CTNND2: variants seen among roughly 807,000 people sequenced by gnomAD.
CTNND2 encodes catenin delta 2, also known as catenin delta-2.
Under a neutral mutation model 144.4 loss-of-function variants are expected in CTNND2, and 22 were observed. The observed-to-expected ratio is 0.15, with a 90% CI of 0.11 to 0.22. The LOEUF (loss-of-function observed/expected upper bound fraction) is 0.22, where lower values mean the gene tolerates loss of function less well. Ranked by LOEUF, CTNND2 falls within the 10% of genes least tolerant of loss-of-function variation. The pLI is 1.00. For synonymous variants in CTNND2, 751 were observed against 695.6 expected (o/e 1.08, Z -1.25); for missense variants, 1,353 against 1,618.8 (o/e 0.84, Z 2.82).
At chr5:11,793,697 T>A (rs2126873237) in intron 1 of CTNND2, among the ~76,000 whole-genome samples, 1 of 152,262 alleles carries the variant, frequency 6.6e-6, no homozygotes, top group African/African-American at 2.4e-5. Flanking sequence ...GACACCTTGA[T>A]TTCAGACTTC....
chr5:11,692,596 T>G (rs996335850), intron 2 of CTNND2, among the ~76,000 whole-genome samples: 1 of 152,118 alleles, frequency 6.6e-6, no homozygotes, highest in Non-Finnish European at 1.5e-5. Context: ...GAAAACTAGG[T>G]CAACATTTTA....
At chr5:11,142,667 G>A (rs1329938471) in intron 12 of CTNND2, among the ~76,000 whole-genome samples, 1 of 147,056 alleles carries the variant, frequency 6.8e-6, no homozygotes, top group Non-Finnish European at 1.5e-5. Flanking sequence ...AGGCTGGAGT[G>A]CAGTGGCGCG....
At chr5:11,747,952 A>G (rs1248853641) in intron 1 of CTNND2, among the ~76,000 whole-genome samples, 1 of 152,160 alleles carries the variant, frequency 6.6e-6, no homozygotes, top group Non-Finnish European at 1.5e-5. Context: ...CAAGATACCG[A>G]AGCTCAATGA....
chr5:11,362,785 T>C (rs564706346), intron 8 of CTNND2, among the ~76,000 whole-genome samples: 2 of 152,332 alleles, frequency 1.3e-5, no homozygotes, highest in African/African-American at 4.8e-5. Context: ...AAACACTTGT[T>C]CATTCTGGAT....
chr5:11,664,478 C>G (rs1213151109), intron 2 of CTNND2, among the ~76,000 whole-genome samples: 1 of 152,142 alleles, frequency 6.6e-6, no homozygotes, highest in Non-Finnish European at 1.5e-5. Context: ...GTAATCCCAA[C>G]TACTCAGCAG....
At chr5:11,655,016 T>C (rs1782837461) in intron 2 of CTNND2, among the ~76,000 whole-genome samples, 1 of 152,080 alleles carries the variant, frequency 6.6e-6, no homozygotes, top group African/African-American at 2.4e-5. Context: ...CACTGGTTTA[T>C]GTATATTATC....
chr5:11,775,055 G>T (rs1360577141), intron 1 of CTNND2, among the ~76,000 whole-genome samples: 1 of 152,086 alleles, frequency 6.6e-6, no homozygotes, highest in Non-Finnish European at 1.5e-5. Flanking sequence ...GAGCTGGGCG[G>T]GGGGGCGGTG....
chr5:11,816,382 T>C (rs945197762), intron 1 of CTNND2, among the ~76,000 whole-genome samples: 2 of 151,862 alleles, frequency 1.3e-5, no homozygotes, highest in African/African-American at 4.8e-5. Flanking sequence ...TGGGAGATCT[T>C]CTGTGTGCAG....
At chr5:11,542,886 G>A (rs1158466913) in intron 3 of CTNND2, among the ~76,000 whole-genome samples, 2 of 152,188 alleles carry the variant, frequency 1.3e-5, no homozygotes, top group African/African-American at 2.4e-5. Flanking sequence ...GATGGGGAGT[G>A]CACAGGATGT....
chr5:11,154,485 T>C (rs2057795), intron 12 of CTNND2, among the ~76,000 whole-genome samples: 99,131 of 152,086 alleles, frequency 0.65, 32,432 homozygotes, highest in East Asian at 0.73. Flanking sequence ...CAGAAAAACA[T>C]CTTTGATCTG....
In CTNND2 at chr5:11,780,823, C is replaced by T. The variant is rs180900255; in HGVS notation, c.38-48551G>A. ...TTTCCTGTGACTGCACCAAGGCCAG[C>T]CAGCCCTGGGGGAAATCCTGAGCAG... On this transcript the variant is annotated intron_variant, in intron 1 of 21. Transcript: ENST00000304623. 8.5e-5 allele frequency among the ~76,000 whole-genome samples: 13 copies of T among 152,276 alleles called. No homozygotes were observed. The East Asian group carries it at 2.3e-3, about 27-fold the overall frequency.
chr5:11,662,674 G>C (rs760486819), intron 2 of CTNND2, among the ~76,000 whole-genome samples: 1 of 152,088 alleles, frequency 6.6e-6, no homozygotes, highest in Non-Finnish European at 1.5e-5. Flanking sequence ...ATCCAACCAA[G>C]TTGACACTCA....
In CTNND2 at chr5:11,234,955, C is replaced by T. The variant is rs534100221; in HGVS notation, c.1761+1736G>A. On this transcript the variant is annotated intron_variant, in intron 10 of 21. Transcript: ENST00000304623. The stretch of plus-strand genomic sequence containing the variant: ...ACTTCCCACAACCATAAAAACTCCA[C>T]GACAGTTTCCTTTCCATAAGCTTTC... 4.6e-5 allele frequency among the ~76,000 whole-genome samples: 7 copies of T among 152,328 alleles called. No homozygotes were observed. In the South Asian group the frequency reaches 1.0e-3, roughly 23 times the overall value.
At chr5:11,804,334 T>A (rs1055907837) in intron 1 of CTNND2, among the ~76,000 whole-genome samples, 2 of 152,196 alleles carry the variant, frequency 1.3e-5, no homozygotes, top group Admixed American at 1.3e-4. Flanking sequence ...TACTATGCTA[T>A]CCAGTCTTTA....
At chr5:11,800,720 T>G (rs1394852210) in intron 1 of CTNND2, among the ~76,000 whole-genome samples, 1 of 152,200 alleles carries the variant, frequency 6.6e-6, no homozygotes, top group African/African-American at 2.4e-5. Flanking sequence ...CAGAACAGTT[T>G]CTTTTAGTAG....
At chr5:11,291,737 A>G (rs1372319914) in intron 9 of CTNND2, among the ~76,000 whole-genome samples, 3 of 152,160 alleles carry the variant, frequency 2.0e-5, no homozygotes, top group African/African-American at 7.2e-5. Context: ...AAATCTCCCC[A>G]GTACCTGATA....
Position 11,525,187 on chromosome 5 carries a change from T to C in CTNND2, c.287+39757A>G, listed in dbSNP as rs148165439. Reference sequence around the variant, plus strand: ...CTTTTTAGCTGCAGCCAAACATCCATGCTTGAGTTACATATCAAAGGAGAT... The same window carrying C: ...CTTTTTAGCTGCAGCCAAACATCCACGCTTGAGTTACATATCAAAGGAGAT... On this transcript the variant is annotated intron_variant, in intron 3 of 21. Coordinates refer to ENST00000304623, the MANE Select transcript of CTNND2 (RefSeq NM_001332.4). 9.7e-3 allele frequency among the ~76,000 whole-genome samples: 1,477 copies of C among 152,256 alleles called. 11 individuals carry two copies. The highest frequency in any genetic ancestry group is 0.017 in the South Asian group (81 of 4,822).
At chr5:11,234,288 A>G (rs184615934) in intron 10 of CTNND2, among the ~76,000 whole-genome samples, 2 of 152,318 alleles carry the variant, frequency 1.3e-5, no homozygotes, top group Admixed American at 6.5e-5. Context: ...AAATAAAACA[A>G]TAACTTTAGT....
chr5:11,442,939 A>G (rs1054505313), intron 3 of CTNND2, among the ~76,000 whole-genome samples: 15 of 147,472 alleles, frequency 1.0e-4, no homozygotes, highest in African/African-American at 3.7e-4. Flanking sequence ...TAATAAATAC[A>G]TATAATAATT....
Sources: gnomAD v4.1 joint callset for allele counts (sites outside exome capture counted in the v4.1 genomes callset) on GRCh38, gnomAD v4.1.1 for gene constraint, MANE v1.5 for transcripts, NCBI Gene and HGNC (gene_info 2026-07-23, HGNC 2026-07-21) for gene names.